Variants in KIF27 observed in about 807,000 individuals in gnomAD.
KIF27 encodes the protein kinesin-like protein KIF27.
A neutral mutation model predicts 141.8 loss-of-function variants in KIF27; 84 were observed. That is an observed-to-expected ratio of 0.59 (90% CI 0.50 to 0.71). The LOEUF (loss-of-function observed/expected upper bound fraction) is 0.71, where lower values mean the gene tolerates loss of function less well. Among genes scored for constraint, KIF27 ranks in the 30% least tolerant of loss-of-function variants. The pLI is 0.00. For missense variants in KIF27, 1,306 were observed against 1,628.4 expected, an observed-to-expected ratio of 0.80 and a Z score of 3.41; for synonymous variants, 471 against 569.5, an observed-to-expected ratio of 0.83 and a Z score of 2.46.
At chr9:83,862,267 T>A (rs1444838876) in intron 13 of KIF27, among the ~76,000 whole-genome samples, 1 of 152,086 alleles carries the variant, frequency 6.6e-6, no homozygotes, top group African/African-American at 2.4e-5. Flanking sequence ...ATGTCCTGAA[T>A]GGTATTGCCT....
At chr9:83,910,921 A>C (rs1053850976) in intron 2 of KIF27, among the ~76,000 whole-genome samples, 7 of 151,964 alleles carry the variant, frequency 4.6e-5, no homozygotes, top group African/African-American at 1.5e-4. Context: ...ATGTCCATCA[A>C]AAGAAGAATG....
chr9:83,877,098 T>C (rs1564355169), intron 11 of KIF27, among the ~76,000 whole-genome samples: 1 of 152,186 alleles, frequency 6.6e-6, no homozygotes, highest in Admixed American at 6.5e-5. Flanking sequence ...ATTGTACATA[T>C]GTAAGGTATA....
intron 2 of KIF27, 119 bp downstream of exon 2, chr9:83,915,173 CAT>C (rs1481251098): frequency 6.8e-6 from 5 of 730,666 alleles, no homozygotes; most frequent in African/African-American, 5.4e-5. Flanking sequence ...CATTTGATTA[CAT>C]GATTCATTCC....
chr9:83,850,047 A>G (rs1217354383), intron 16 of KIF27, 52 bp downstream of exon 16: 11 of 1,447,896 alleles, frequency 7.6e-6, no homozygotes, highest in Non-Finnish European at 1.1e-5. Flanking sequence ...ATCTTCCTTC[A>G]GTACCCACAC....
chr9:83,890,036 C>T (rs2132349716), intron 6 of KIF27, among the ~76,000 whole-genome samples: 1 of 152,284 alleles, frequency 6.6e-6, no homozygotes, highest in South Asian at 2.1e-4. Context: ...GATGACTTCT[C>T]TCAAAAGGCA....
At position 83,859,363 on chromosome 9, in the gene KIF27, G is replaced by A. The variant is rs1219955620; in HGVS notation, c.2943C>T (p.Asn981=). Residue 981 remains asparagine, a synonymous_variant, in exon 14 of 18, where the codon AAC becomes AAT. Coordinates refer to ENST00000297814, the MANE Select transcript of KIF27 (RefSeq NM_017576.4). ...NKKLRSSQAL[N]TDSLKISTRL... ...GAGTTGATATTTTCAAACTATCTGT[G>A]TTTAAGGCCTAAAAGATACAACCCA... is the stretch of plus-strand genomic sequence containing the variant. 14 of 1,613,282 alleles carry A rather than the reference G, an allele frequency of 8.7e-6. No homozygotes were observed. In the Admixed American group the frequency reaches 1.2e-4, roughly 13 times the overall value.
intron 2 of KIF27, among the ~76,000 whole-genome samples, chr9:83,915,092 C>T (rs1028984893): frequency 3.9e-5 from 6 of 152,060 alleles, no homozygotes; most frequent in Non-Finnish European, 7.4e-5. Flanking sequence ...AAATATAATC[C>T]TAAGTTAGAT....
At chr9:83,842,494 G>A (rs1371769951) in intron 16 of KIF27, 93 bp from the exon 17 acceptor site, 19 of 1,402,920 alleles carry the variant, frequency 1.4e-5, no homozygotes, top group South Asian at 7.6e-5. Context: ...ACGGAGTCTC[G>A]CACTGTCGCC....
intron 5 of KIF27, among the ~76,000 whole-genome samples, chr9:83,892,483 G>GA (rs1183851790): frequency 2.6e-5 from 4 of 151,650 alleles, no homozygotes; most frequent in Middle Eastern, 3.2e-3. Flanking sequence ...AACAGAAAAA[G>GA]AAAAAATAAC....
At position 83,883,972 on chromosome 9, in the gene KIF27, T is replaced by G; in HGVS notation, c.2286A>C (p.Thr762=). The G allele has an allele frequency of 6.2e-7, 1 of 1,613,584 alleles. No homozygotes were observed. The highest frequency in any genetic ancestry group is 8.5e-7 in the Non-Finnish European group (1 of 1,179,664). The change falls in exon 10 of 18, where the codon ACA becomes ACC. Residue 762 remains threonine, a synonymous_variant. Coordinates refer to ENST00000297814, the MANE Select transcript of KIF27 (RefSeq NM_017576.4). ...CCTGTTCTGCATCATGCTCTAGCTT[T>G]GTTACTTTCAAAGAATACTGCTTGC... is the stretch of plus-strand genomic sequence containing the variant. ...SVSKQYSLKV[T]KLEHDAEQAK... is the part of the protein sequence containing the mutation.
chr9:83,905,786 T>C (rs1267059342), intron 3 of KIF27, among the ~76,000 whole-genome samples: 2 of 152,160 alleles, frequency 1.3e-5, no homozygotes, highest in East Asian at 3.8e-4. Context: ...CCCTGTGAAG[T>C]AGGACCCAGA....
intron 4 of KIF27, among the ~76,000 whole-genome samples, chr9:83,901,199 A>G (rs57267691): frequency 0.19 from 28,739 of 151,894 alleles, 2,154 homozygotes; most frequent in African/African-American, 0.33. Flanking sequence ...GGCTCAAAAC[A>G]ATCCTCCAGC....
At chr9:83,921,031 A>C (rs1181206895) in intron 1 of KIF27, among the ~76,000 whole-genome samples, 1 of 152,126 alleles carries the variant, frequency 6.6e-6, no homozygotes, top group African/African-American at 2.4e-5. Context: ...GTGCGCTCTG[A>C]AAGGCCGGGT....
intron 1 of KIF27, among the ~76,000 whole-genome samples, chr9:83,921,039 G>A (rs565596478): frequency 2.6e-5 from 4 of 152,258 alleles, no homozygotes; most frequent in African/African-American, 9.6e-5. Context: ...TGAAAGGCCG[G>A]GTCCCGCGTT....
At chr9:83,916,634 T>A (rs1454458848) in intron 1 of KIF27, among the ~76,000 whole-genome samples, 1 of 151,586 alleles carries the variant, frequency 6.6e-6, no homozygotes, top group Non-Finnish European at 1.5e-5. Flanking sequence ...TATAAACAAA[T>A]AATTGGTAAC....
chr9:83,842,842 A>G lies in KIF27; in HGVS notation c.3557-441T>C, dbSNP rs536412939. On this transcript the variant is annotated intron_variant, in intron 16 of 17. Transcript: ENST00000297814. ...CATGTTACACATATCTGTTACCTGA[A>G]TGGGTTTGTTTTCAGCTACCATTTG... 5.3e-5 allele frequency among the ~76,000 whole-genome samples: 8 copies of G among 152,246 alleles called. 1 individual carries two copies. In the South Asian group the frequency reaches 1.7e-3, roughly 32 times the overall value.
chr9:83,864,320 A>C (rs948281898), intron 13 of KIF27, among the ~76,000 whole-genome samples: 4 of 152,180 alleles, frequency 2.6e-5, no homozygotes, highest in African/African-American at 9.7e-5. Flanking sequence ...TAGTGCTATA[A>C]ATTTCCCTCT....
intron 8 of KIF27, 23 bp from the exon 9 acceptor site, chr9:83,887,219 A>G (rs774584956): frequency 9.9e-6 from 14 of 1,417,794 alleles, no homozygotes; most frequent in Admixed American, 2.7e-5. Context: ...ATGGAGAAAT[A>G]AAACTATCTG....
Position 83,870,648 on chromosome 9 carries a change from T to C in KIF27, c.2644-16A>G, listed in dbSNP as rs751846243. 35 of 1,612,622 alleles carry C rather than the reference T, an allele frequency of 2.2e-5. No individual in the cohort carries two copies. The highest frequency in any genetic ancestry group is 1.6e-4 in the South Asian group (15 of 90,972). On this transcript the variant is annotated splice_polypyrimidine_tract_variant and intron_variant, in intron 11 of 17. Transcript: ENST00000297814. Reference sequence around the variant, plus strand: ...ATTGTATTTCCTATAGAAAAAGAAATTGAAAACACCTTATTGCTTTTACAC... The same window carrying C: ...ATTGTATTTCCTATAGAAAAAGAAACTGAAAACACCTTATTGCTTTTACAC...
Sources: gnomAD v4.1 joint callset for allele counts (sites outside exome capture counted in the v4.1 genomes callset) on GRCh38, gnomAD v4.1.1 for gene constraint, MANE v1.5 for transcripts, NCBI Gene and HGNC (gene_info 2026-07-23, HGNC 2026-07-21) for gene names.